The following NKAIN2 variants were observed in gnomAD, a reference collection of about 807,000 sequenced individuals.
NKAIN2 encodes sodium/potassium-transporting ATPase subunit beta-1-interacting protein 2.
NKAIN2 carries 14 observed loss-of-function variants against 32.6 expected under a neutral mutation model. That is an observed-to-expected ratio of 0.43 (90% CI 0.28 to 0.67). NKAIN2 has a LOEUF of 0.67. Ranked by LOEUF, NKAIN2 falls within the 30% of genes least tolerant of loss-of-function variation. NKAIN2 has a pLI of 0.17. For synonymous variants in NKAIN2, 80 were observed against 87.2 expected (o/e 0.92, Z 0.46); for missense variants, 198 against 258.3 (o/e 0.77, Z 1.60).
rs190416454 is a variant in NKAIN2, at chr6:123,833,664, T to C, written c.54+29410T>C. ...TTGTACCTGATTTTATTTTGGGTTG[T>C]TCTTAAGCAAAAGGTAATTTTTTTT... On this transcript the variant is annotated intron_variant, in intron 1 of 6. Transcript: ENST00000368417. 2.4e-4 allele frequency among the ~76,000 whole-genome samples: 37 copies of C among 151,690 alleles called. No homozygotes were observed. In the East Asian group the frequency reaches 6.8e-3, roughly 28 times the overall value.
chr6:124,172,999 T>A (rs1398902992), intron 1 of NKAIN2, among the ~76,000 whole-genome samples: 1 of 152,110 alleles, frequency 6.6e-6, no homozygotes, highest in Non-Finnish European at 1.5e-5. Flanking sequence ...TTTAAGCAAT[T>A]TAGTGACAAT....
intron 3 of NKAIN2, among the ~76,000 whole-genome samples, chr6:124,629,422 C>A (rs1219084411): frequency 6.6e-6 from 1 of 152,084 alleles, no homozygotes; most frequent in East Asian, 1.9e-4. Flanking sequence ...CACTAGCCCC[C>A]AGATTTATAC....
intron 3 of NKAIN2, among the ~76,000 whole-genome samples, chr6:124,557,943 A>G (rs1308171958): frequency 6.6e-6 from 1 of 152,242 alleles, no homozygotes; most frequent in African/African-American, 2.4e-5. Flanking sequence ...GAGTTTAAAT[A>G]TTAGTAATTA....
At chr6:124,734,134 G>C (rs1776824793) in intron 4 of NKAIN2, among the ~76,000 whole-genome samples, 1 of 150,492 alleles carries the variant, frequency 6.6e-6, no homozygotes, top group Non-Finnish European at 1.5e-5. Flanking sequence ...CTGAAAAACA[G>C]GAGCTGACTG....
chr6:124,412,738 C>A (rs897937412), intron 3 of NKAIN2, among the ~76,000 whole-genome samples: 1 of 152,202 alleles, frequency 6.6e-6, no homozygotes, highest in African/African-American at 2.4e-5. Flanking sequence ...GAGGTTACTG[C>A]TGTCTTTTGT....
chr6:123,803,918 C>A lies in NKAIN2; in HGVS notation c.-283C>A, dbSNP rs963490715. On this transcript the variant is annotated 5_prime_UTR_variant, in exon 1 of 7. Transcript: ENST00000368417. ...AGGCTGCCGCTGCTGCCCCTGCGGG[C>A]CCCGAGCGCGCCTCCGCAGGCGGCA... is the stretch of plus-strand genomic sequence containing the variant. Among the ~76,000 whole-genome samples the A allele has an allele frequency of 1.3e-5, 2 of 148,508 alleles. No homozygotes were observed. Among genetic ancestry groups the A allele is most frequent in the South Asian group, 2.1e-4 (1 of 4,814 alleles).
At chr6:124,072,895 A>G (rs1425618443) in intron 1 of NKAIN2, among the ~76,000 whole-genome samples, 3 of 151,856 alleles carry the variant, frequency 2.0e-5, no homozygotes, top group African/African-American at 4.8e-5. Context: ...TCCTTGATTT[A>G]TCTTGATACC....
At chr6:124,403,027 C>T (rs1483049161) in intron 3 of NKAIN2, among the ~76,000 whole-genome samples, 2 of 152,110 alleles carry the variant, frequency 1.3e-5, no homozygotes, top group East Asian at 3.8e-4. Flanking sequence ...GTTATAGAAT[C>T]AGGTTGGTAA....
At chr6:124,364,250 A>AAAAGAGAGAG (rs3054409) in intron 3 of NKAIN2, among the ~76,000 whole-genome samples, 37 of 139,750 alleles carry the variant, frequency 2.6e-4, no homozygotes, top group South Asian at 9.0e-4. Context: ...AAAAAAAAAA[A>AAAAGAGAGAG]AGAGAGAAAA....
Position 124,567,352 on chromosome 6 carries a change from ACT to A in NKAIN2, c.274-90829_274-90828del, listed in dbSNP as rs1232369001. ...TCTACTATGTATTTCTAATCATTTCACTCTCTATTCATTTCAGTTACTATTTC... is the reference window on the plus strand; with the variant it reads ...TCTACTATGTATTTCTAATCATTTCACTCTATTCATTTCAGTTACTATTTC... On this transcript the variant is annotated intron_variant, in intron 3 of 6. Transcript: ENST00000368417. 6.6e-5 allele frequency among the ~76,000 whole-genome samples: 10 copies of A among 151,874 alleles called. No individual in the cohort carries two copies. The East Asian group carries it at 1.9e-3, about 29-fold the overall frequency.
intron 1 of NKAIN2, among the ~76,000 whole-genome samples, chr6:123,988,050 C>T (rs762277167): frequency 1.3e-5 from 2 of 152,176 alleles, no homozygotes; most frequent in Non-Finnish European, 2.9e-5. Flanking sequence ...AAGACTATTA[C>T]TGCCTCACGT....
chr6:124,531,593 A>G (rs1165975878), intron 3 of NKAIN2, among the ~76,000 whole-genome samples: 1 of 152,002 alleles, frequency 6.6e-6, no homozygotes, highest in Non-Finnish European at 1.5e-5. Context: ...CTCTTTTTCA[A>G]TTTTTCTGGA....
At chr6:124,059,622 C>T (rs76531754) in intron 1 of NKAIN2, among the ~76,000 whole-genome samples, 429 of 152,228 alleles carry the variant, frequency 2.8e-3, no homozygotes, top group Non-Finnish European at 4.0e-3. Context: ...TGAATGCATC[C>T]GCCTGACTCT....
chr6:124,290,647 C>T (rs1285608540), intron 2 of NKAIN2, among the ~76,000 whole-genome samples: 4 of 147,158 alleles, frequency 2.7e-5, no homozygotes, highest in African/African-American at 7.4e-5. Flanking sequence ...TTGAATTATA[C>T]GTTGTTTTTA....
At chr6:124,715,860 T>G (rs1029496207) in intron 4 of NKAIN2, among the ~76,000 whole-genome samples, 3 of 152,216 alleles carry the variant, frequency 2.0e-5, no homozygotes, top group African/African-American at 7.2e-5. Context: ...AGTGCCATTT[T>G]TTGGCTAGAG....
intron 1 of NKAIN2, among the ~76,000 whole-genome samples, chr6:123,809,874 T>C (rs1435340324): frequency 6.6e-6 from 1 of 152,216 alleles, no homozygotes; most frequent in African/African-American, 2.4e-5. Context: ...TTCAGCTAGT[T>C]GTGGATCACA....
chr6:123,859,394 A>G (rs1164991384), intron 1 of NKAIN2, among the ~76,000 whole-genome samples: 1 of 152,158 alleles, frequency 6.6e-6, no homozygotes, highest in South Asian at 2.1e-4. Context: ...CAATGAGACC[A>G]TTGGAGTATT....
intron 1 of NKAIN2, among the ~76,000 whole-genome samples, chr6:123,979,513 T>C (rs9491026): frequency 0.086 from 13,024 of 152,216 alleles, 1,834 homozygotes; most frequent in African/African-American, 0.29. Context: ...GGGCCCAAAT[T>C]CCCTGTTAAT....
intron 4 of NKAIN2, among the ~76,000 whole-genome samples, chr6:124,731,024 C>G (rs1002827555): frequency 2.8e-5 from 4 of 145,196 alleles, no homozygotes; most frequent in African/African-American, 1.0e-4. Flanking sequence ...CCATCTCACA[C>G]CAGGTAGAAT....
Sources: gnomAD v4.1 joint callset for allele counts (sites outside exome capture counted in the v4.1 genomes callset) on GRCh38, gnomAD v4.1.1 for gene constraint, MANE v1.5 for transcripts, NCBI Gene and HGNC (gene_info 2026-07-23, HGNC 2026-07-21) for gene names.